The following PRDM16 variants were observed in gnomAD, a reference collection of about 807,000 sequenced individuals.
PRDM16 encodes the protein histone-lysine N-methyltransferase PRDM16.
A neutral mutation model predicts 110.6 loss-of-function variants in PRDM16; 23 were observed. The ratio of observed to expected loss-of-function variants is 0.21; its 90% CI spans 0.15 to 0.29. The LOEUF (loss-of-function observed/expected upper bound fraction) is 0.29. Among genes scored for constraint, PRDM16 ranks in the 10% least tolerant of loss-of-function variants. The pLI is 1.00. For synonymous variants in PRDM16, 799 were observed against 781.8 expected, an observed-to-expected ratio of 1.02 and a Z score of -0.37; for missense variants, 1,615 against 1,794.3, an observed-to-expected ratio of 0.90 and a Z score of 1.81.
chr1:3,115,969 C>A (rs947496371), intron 1 of PRDM16, among the ~76,000 whole-genome samples: 12 of 152,306 alleles, frequency 7.9e-5, no homozygotes, highest in East Asian at 5.8e-4. Flanking sequence ...ATGCCCCAGC[C>A]TCCCGGGAGG....
At position 3,411,671 on chromosome 1, in the gene PRDM16, A is replaced by T. The variant is rs1643688664; in HGVS notation, c.1474A>T (p.Arg492Trp). Reference protein sequence around the residue: ...SLGFNEYFPSRPHPGSLPFST... With the variant: ...SLGFNEYFPSWPHPGSLPFST... ...GGGCTTCAACGAGTACTTTCCCTCC[A>T]GGCCGCACCCGGGGAGCCTGCCCTT... The change falls in exon 9 of 17, where the codon AGG (arginine) becomes TGG (tryptophan). Residue 492 changes from arginine to tryptophan, a missense_variant. Arg to Trp is a moderately radical substitution (Grantham distance 101). Coordinates refer to ENST00000270722, the MANE Select transcript of PRDM16 (RefSeq NM_022114.4). The T allele has an allele frequency of 6.2e-7, 1 of 1,612,236 alleles. No individual in the cohort carries two copies.
chr1:3,308,366 A>C (rs1641361403), intron 3 of PRDM16: 1 of 152,468 alleles, frequency 6.6e-6, no homozygotes, highest in African/African-American at 2.4e-5. Flanking sequence ...CACATCCCAG[A>C]AAGAATCTTG....
At chr1:3,130,745 T>C (rs916439503) in intron 1 of PRDM16, among the ~76,000 whole-genome samples, 5 of 143,040 alleles carry the variant, frequency 3.5e-5, no homozygotes, top group Admixed American at 7.1e-5. Flanking sequence ...GTCGCCCTTT[T>C]CCCCCGTGAG....
At chr1:3,227,267 C>T (rs1200081821) in intron 2 of PRDM16, among the ~76,000 whole-genome samples, 1 of 152,230 alleles carries the variant, frequency 6.6e-6, no homozygotes, top group Non-Finnish European at 1.5e-5. Flanking sequence ...GGGAGTTTAT[C>T]CTCTGAAGAA....
intron 3 of PRDM16, among the ~76,000 whole-genome samples, chr1:3,269,846 A>C (rs993665707): frequency 1.2e-4 from 12 of 99,180 alleles, no homozygotes; most frequent in African/African-American, 1.7e-4. Flanking sequence ...CAGAGGATGA[A>C]AGTCCCAGAG....
At chr1:3,357,178 G>C (rs1053280328) in intron 3 of PRDM16, among the ~76,000 whole-genome samples, 1 of 152,150 alleles carries the variant, frequency 6.6e-6, no homozygotes, top group African/African-American at 2.4e-5. Flanking sequence ...AGCCTCAGCA[G>C]CCAGTCCACC....
chr1:3,249,995 G>C (rs1391457185), intron 3 of PRDM16, among the ~76,000 whole-genome samples: 2 of 152,210 alleles, frequency 1.3e-5, no homozygotes, highest in Admixed American at 1.3e-4. Context: ...GCAGCAGAAA[G>C]TCGGAAAGCA....
chr1:3,247,982 C>CCGGGCG (rs1256556863), intron 3 of PRDM16, among the ~76,000 whole-genome samples: 3 of 152,210 alleles, frequency 2.0e-5, no homozygotes, highest in Admixed American at 1.3e-4. Flanking sequence ...ATCCATCACT[C>CCGGGCG]CGGGCGCGCA....
intron 1 of PRDM16, among the ~76,000 whole-genome samples, chr1:3,097,033 C>T (rs1377948293): frequency 6.6e-6 from 1 of 152,096 alleles, no homozygotes. Context: ...ATGGGTGCAT[C>T]GGGTGCGTGT....
intron 2 of PRDM16, among the ~76,000 whole-genome samples, chr1:3,227,372 A>G (rs888505663): frequency 6.6e-6 from 1 of 152,280 alleles, no homozygotes; most frequent in Non-Finnish European, 1.5e-5. Flanking sequence ...TCCCGAGGCC[A>G]CAGGCTTTGC....
intron 1 of PRDM16, among the ~76,000 whole-genome samples, chr1:3,185,668 G>A (rs1644258790): frequency 6.6e-6 from 1 of 152,242 alleles, no homozygotes; most frequent in Non-Finnish European, 1.5e-5. Flanking sequence ...AGGCTATAGA[G>A]GACATTTGGA....
chr1:3,242,766 T>C (rs763932111), intron 2 of PRDM16, among the ~76,000 whole-genome samples: 6 of 152,238 alleles, frequency 3.9e-5, no homozygotes, highest in Non-Finnish European at 8.8e-5. Flanking sequence ...TGTAAAGCCA[T>C]CATGTAATAT....
At chr1:3,193,938 C>T (rs368804019) in intron 2 of PRDM16, among the ~76,000 whole-genome samples, 2 of 152,160 alleles carry the variant, frequency 1.3e-5, no homozygotes, top group East Asian at 1.9e-4. Flanking sequence ...GACCAACCTC[C>T]CTGTTTGCCC....
At chr1:3,097,354 A>G (rs2817169) in intron 1 of PRDM16, among the ~76,000 whole-genome samples, 96,754 of 152,140 alleles carry the variant, frequency 0.64, 32,270 homozygotes, top group African/African-American at 0.83. Context: ...TCTCCAAAGG[A>G]CCTGGTGGTG....
rs1480643753 is a variant in PRDM16, at chr1:3,435,486, A to T, written c.*1675A>T. ...TATGTTTTTGTTAAATTTGCGTTTC[A>T]GTTACATTTGCATTTAAGACAAGTG... is the stretch of plus-strand genomic sequence containing the variant. On this transcript the variant is annotated 3_prime_UTR_variant, in exon 17 of 17. Transcript: ENST00000270722. The T allele has an allele frequency of 8.7e-6, 2 of 230,888 alleles. No individual in the cohort carries two copies. The highest frequency in any genetic ancestry group is 4.4e-5 in the African/African-American group (2 of 45,160). The allele number at this position is 230,888 out of a possible 1,614,324, so 14.3% of individuals were successfully genotyped here.
At chr1:3,184,191 C>T (rs192122723) in intron 1 of PRDM16, among the ~76,000 whole-genome samples, 3 of 152,340 alleles carry the variant, frequency 2.0e-5, no homozygotes, top group Admixed American at 6.5e-5. Context: ...ATAATTACTT[C>T]TCTGAATGCT....
intron 1 of PRDM16, among the ~76,000 whole-genome samples, chr1:3,088,299 A>G (rs1642195407): frequency 6.6e-6 from 1 of 151,796 alleles, no homozygotes; most frequent in Admixed American, 6.6e-5. Context: ...AAATAATAAT[A>G]ATAATAAAAA....
At chr1:3,149,728 C>T (rs1643741873) in intron 1 of PRDM16, among the ~76,000 whole-genome samples, 1 of 152,222 alleles carries the variant, frequency 6.6e-6, no homozygotes, top group South Asian at 2.1e-4. Flanking sequence ...GAAGGAGCAC[C>T]GGCCAGTTCC....
Position 3,390,552 on chromosome 1 carries a change from G to T in PRDM16, c.573+5266G>T, listed in dbSNP as rs114586451. On this transcript the variant is annotated intron_variant, in intron 4 of 16. Coordinates refer to ENST00000270722, the MANE Select transcript of PRDM16 (RefSeq NM_022114.4). The surrounding 1 kb of genome is among the most constrained non-coding windows in gnomAD (Gnocchi z 5.0). ...ACAGCCCCTCCACAGAGTGTTCCGC[G>T]CAGGCATTGTGTTAGAAGAGTGGCC... Among the ~76,000 whole-genome samples, 989 of 152,302 alleles carry T rather than the reference G, an allele frequency of 6.5e-3. 16 individuals are homozygous for T. The highest frequency in any genetic ancestry group is 0.022 in the African/African-American group (932 of 41,572).
Sources: allele counts gnomAD v4.1 joint callset (sites outside exome capture counted in the v4.1 genomes callset), GRCh38; gene constraint gnomAD v4.1.1; non-coding constraint Gnocchi (gnomAD v3.1); transcripts MANE v1.5; gene names NCBI Gene and HGNC (gene_info 2026-07-23, HGNC 2026-07-21).